Variants in RANBP2 observed in about 807,000 individuals in gnomAD.
RANBP2 encodes the protein RAN binding protein 2, also known as E3 SUMO-protein ligase RanBP2.
A neutral mutation model predicts 303.6 loss-of-function variants in RANBP2; 57 were observed. That is an observed-to-expected ratio of 0.19 (90% confidence interval 0.15 to 0.23). RANBP2 has a LOEUF of 0.23. Among genes scored for constraint, RANBP2 ranks in the 10% least tolerant of loss-of-function variants. The probability of loss-of-function intolerance (pLI) is 1.00; values close to 1 mark genes in which losing one functional copy is unlikely to be tolerated. For missense variants in RANBP2, 3,138 were observed against 3,780.8 expected (o/e 0.83, Z 4.46); for synonymous variants, 1,167 against 1,301.5 (o/e 0.90, Z 2.23).
Position 108,773,153 on chromosome 2 carries a change from T to C in RANBP2, c.8292+107T>C, listed in dbSNP as rs190090406. ...TATTTTTGAGACAGAATTTTACTCTTGTTGCCCAGGCTGGAGTGCAATGGC... is the reference window on the plus strand; with the variant it reads ...TATTTTTGAGACAGAATTTTACTCTCGTTGCCCAGGCTGGAGTGCAATGGC... On this transcript the variant is annotated intron_variant, in intron 23 of 28. Transcript: ENST00000283195. 6.4e-6 allele frequency: 8 copies of C among 1,259,346 alleles called. No homozygotes were observed. The South Asian group carries it at 6.5e-5, about 10-fold the overall frequency. The allele number at this position is 1,259,346 out of a possible 1,614,324, so 78.0% of individuals were successfully genotyped here. A position where few individuals can be genotyped will look rare whatever the true frequency, so the allele number is the denominator to read the frequency against.
chr2:108,777,951 T>C (rs1183051715), intron 25 of RANBP2, among the ~76,000 whole-genome samples: 2 of 152,166 alleles, frequency 1.3e-5, no homozygotes, highest in African/African-American at 4.8e-5. Context: ...TATTTGCACT[T>C]TTTTCACAGC....
At chr2:108,796,609 G>A in the RANBP2 span, among the ~76,000 whole-genome samples, 1 of 152,108 alleles carries the variant, frequency 6.6e-6, no homozygotes, top group South Asian at 2.1e-4. Context: ...AGAAAATGTG[G>A]TATCTATACA....
At chr2:109,537,127 AAAG>A in the RANBP2 span, among the ~76,000 whole-genome samples, 11 of 152,214 alleles carry the variant, frequency 7.2e-5, no homozygotes, top group Admixed American at 6.5e-4. Flanking sequence ...CCTTGTTCCC[AAAG>A]AAGAAGGTTT....
chr2:109,005,997 G>T, the RANBP2 span, among the ~76,000 whole-genome samples: 410 of 152,216 alleles, frequency 2.7e-3, 2 homozygotes, highest in African/African-American at 9.2e-3. Context: ...GAGCCAGTGG[G>T]TCACGTGAGA....
chr2:109,099,257 T>C, the RANBP2 span, among the ~76,000 whole-genome samples: 3 of 152,352 alleles, frequency 2.0e-5, no homozygotes, highest in African/African-American at 7.2e-5. Context: ...CTCGATGCAG[T>C]AAACATTAAC....
At chr2:109,590,338 G>T in the RANBP2 span, among the ~76,000 whole-genome samples, 1 of 152,022 alleles carries the variant, frequency 6.6e-6, no homozygotes, top group South Asian at 2.1e-4. Flanking sequence ...TCTGAGAAGA[G>T]ATTTTACAGA....
At chr2:109,423,065 C>T in the RANBP2 span, among the ~76,000 whole-genome samples, 1 of 152,176 alleles carries the variant, frequency 6.6e-6, no homozygotes, top group Non-Finnish European at 1.5e-5. Context: ...AAGGAAACTT[C>T]CACAGTCGAT....
At chr2:109,358,003 T>G in the RANBP2 span, among the ~76,000 whole-genome samples, 1 of 152,210 alleles carries the variant, frequency 6.6e-6, no homozygotes, top group Non-Finnish European at 1.5e-5. Context: ...TATAGGCCCA[T>G]ACAAAGTAGG....
At chr2:109,511,788 G>A in the RANBP2 span, among the ~76,000 whole-genome samples, 1 of 152,148 alleles carries the variant, frequency 6.6e-6, no homozygotes, top group Non-Finnish European at 1.5e-5. Flanking sequence ...TTTCATGGCT[G>A]CTGCCCCATG....
the RANBP2 span, among the ~76,000 whole-genome samples, chr2:109,186,388 T>G: frequency 1.3e-5 from 2 of 152,226 alleles, no homozygotes; most frequent in African/African-American, 2.4e-5. Flanking sequence ...TCACATAGCA[T>G]TAAGAGGCGG....
the RANBP2 span, among the ~76,000 whole-genome samples, chr2:108,820,843 G>T: frequency 6.6e-6 from 1 of 152,104 alleles, no homozygotes; most frequent in Admixed American, 6.5e-5. Flanking sequence ...ACTAAAGAGA[G>T]TCCTTCAGGT....
chr2:109,419,566 C>G, the RANBP2 span: 15 of 1,598,716 alleles, frequency 9.4e-6, no homozygotes, highest in South Asian at 1.6e-4. Context: ...GGGATCTACC[C>G]CCACGGCTGT....
At chr2:109,070,112 T>G in the RANBP2 span, among the ~76,000 whole-genome samples, 23,253 of 152,066 alleles carry the variant, frequency 0.15, 1,817 homozygotes, top group African/African-American at 0.17. Context: ...GACTATACGT[T>G]CAAAGGGTGT....
At chr2:109,034,148 T>G in the RANBP2 span, among the ~76,000 whole-genome samples, 1 of 151,582 alleles carries the variant, frequency 6.6e-6, no homozygotes, top group South Asian at 2.1e-4. Flanking sequence ...CAGGCACCTA[T>G]AGTCCCAGCT....
At chr2:109,334,181 C>A in the RANBP2 span, among the ~76,000 whole-genome samples, 2 of 152,046 alleles carry the variant, frequency 1.3e-5, no homozygotes, top group African/African-American at 4.8e-5. Context: ...CATGGTGAGA[C>A]CCCGTCCCTA....
chr2:109,590,046 ATATGTGTG>A, the RANBP2 span, among the ~76,000 whole-genome samples: 1 of 147,678 alleles, frequency 6.8e-6, no homozygotes, highest in Non-Finnish European at 1.5e-5. Context: ...ACACACATAT[ATATGTGTG>A]TGTATATATA....
intron 25 of RANBP2, 71 bp from the exon 26 acceptor site, chr2:108,781,198 A>G: frequency 2.0e-6 from 3 of 1,463,752 alleles, no homozygotes; most frequent in Admixed American, 1.7e-5. Context: ...AGAGGGATTG[A>G]TAAAATAAGA....
chr2:109,252,330 A>G, the RANBP2 span, among the ~76,000 whole-genome samples: 2 of 152,298 alleles, frequency 1.3e-5, no homozygotes, highest in African/African-American at 2.4e-5. Context: ...ACATTGTTCA[A>G]CAGAAGCCGG....
the RANBP2 span, among the ~76,000 whole-genome samples, chr2:109,379,665 C>T: frequency 2.0e-5 from 3 of 152,192 alleles, no homozygotes; most frequent in South Asian, 6.2e-4. Flanking sequence ...CCTGCCGCAG[C>T]GACAGCCTGT....
Sources: allele counts gnomAD v4.1 joint callset (sites outside exome capture counted in the v4.1 genomes callset), GRCh38; gene constraint gnomAD v4.1.1; transcripts MANE v1.5; gene names NCBI Gene and HGNC (gene_info 2026-07-23, HGNC 2026-07-21).